Variants in PDE4C observed in about 807,000 individuals in gnomAD.
PDE4C encodes the protein phosphodiesterase 4C.
Under a neutral mutation model 63.9 loss-of-function variants are expected in PDE4C, and 50 were observed. The ratio of observed to expected loss-of-function variants is 0.78; its 90% CI spans 0.62 to 0.99. The LOEUF (loss-of-function observed/expected upper bound fraction) is 0.99, where lower values mean the gene tolerates loss of function less well. PDE4C is among the 50% of genes least tolerant of loss of function. The pLI is 0.00. For synonymous variants in PDE4C, 377 were observed against 385.1 expected (o/e 0.98, Z 0.25); for missense variants, 777 against 899.1 (o/e 0.86, Z 1.74).
intron 3 of PDE4C, 36 bp from the exon 4 acceptor site, chr19:18,221,214 G>A: frequency 6.4e-7 from 1 of 1,561,952 alleles, no homozygotes; most frequent in South Asian, 1.2e-5. Context: ...GGGAAGGAGA[G>A]GCCGGATCCG....
rs767535982 is a variant in PDE4C at position 18,216,721 on chromosome 19, G to T, written c.1389+20C>A. The T allele has an allele frequency of 1.6e-6, 2 of 1,251,860 alleles. No homozygotes were observed. The highest frequency in any genetic ancestry group is 2.2e-6 in the Non-Finnish European group (2 of 915,590). 77.5% of individuals were successfully genotyped at this position (1,251,860 alleles called of 1,614,324 possible). The stretch of plus-strand genomic sequence containing the variant: ...CGCTCCCCTCTGCCCCTCCCGCCCC[G>T]CTTACTGCCCTGGCCTCACCATGTC... On this transcript the variant is annotated intron_variant, in intron 12 of 14. Transcript: ENST00000262805.
At chr19:18,214,408 G>C (rs1968101210) in intron 12 of PDE4C, among the ~76,000 whole-genome samples, 1 of 152,108 alleles carries the variant, frequency 6.6e-6, no homozygotes, top group African/African-American at 2.4e-5. Context: ...GGGGCTGGAA[G>C]AGTTGGGTAC....
upstream of PDE4C, among the ~76,000 whole-genome samples, chr19:18,248,689 G>A (rs1334506584): frequency 6.6e-6 from 1 of 152,072 alleles, no homozygotes; most frequent in African/African-American, 2.4e-5. Context: ...CTCCAGGAAA[G>A]TTGCCCGCTG....
chr19:18,222,018 C>T, intron 2 of PDE4C, 114 bp downstream of exon 2: 3 of 890,256 alleles, frequency 3.4e-6, no homozygotes, highest in Non-Finnish European at 5.1e-6. Flanking sequence ...TGGCAAACTC[C>T]TACTTAAACT....
the PDE4C span, among the ~76,000 whole-genome samples, chr19:18,253,743 C>T: frequency 1.3e-5 from 2 of 152,300 alleles, no homozygotes; most frequent in South Asian, 2.1e-4. Context: ...GGAACCCACC[C>T]TTCTACGTGT....
chr19:18,234,907 C>G (rs924545954), upstream of PDE4C, among the ~76,000 whole-genome samples: 3 of 152,172 alleles, frequency 2.0e-5, no homozygotes, highest in African/African-American at 4.8e-5. Flanking sequence ...CTCCACCCCC[C>G]CACCACTCCC....
At position 18,241,245 on chromosome 19, in the gene PDE4C, TTCTTC is replaced by T. The variant is rs1238393178; in HGVS notation, c.-210+6921_-210+6925del. Among the ~76,000 whole-genome samples, 232 of 147,430 alleles carry T rather than the reference TTCTTC, an allele frequency of 1.6e-3. 1 individual carries two copies. The highest frequency in any genetic ancestry group is 3.4e-3 in the Middle Eastern group (1 of 290). ...CTTTTTTCTTTTCTTTCTTTCTTTT[TTCTTC>T]TCTTGTTTTTTTTTTTTTTTTTTTT... is the stretch of plus-strand genomic sequence containing the variant. On this transcript the variant is annotated intron_variant, in intron 1 of 15. Coordinates refer to the PDE4C transcript ENST00000594617.
At position 18,220,414 on chromosome 19, in the gene PDE4C, C is replaced by T; in HGVS notation, c.601G>A (p.Ala201Thr). ...CTGCCCCACCTCACCTTGTTGGAGG[C>T]CATCTCCCCCACCGAGTGCCGGGTC... The change falls in exon 6 of 15, where the codon GCC (alanine) becomes ACC (threonine). Residue 201 changes from alanine to threonine, a missense_variant. By Grantham distance (58) the Ala-to-Thr change is moderately conservative. Transcript: ENST00000262805. The surrounding 1 kb of genome is among the most constrained non-coding windows in gnomAD (Gnocchi z 5.1). The T allele has an allele frequency of 6.2e-7, 1 of 1,614,024 alleles. No homozygotes were observed. The highest frequency in any genetic ancestry group is 8.5e-7 in the Non-Finnish European group (1 of 1,179,904).
At chr19:18,212,111 C>T (rs549701901) in intron 13 of PDE4C, among the ~76,000 whole-genome samples, 170 bp from the exon 14 acceptor site, 2 of 152,162 alleles carry the variant, frequency 1.3e-5, no homozygotes, top group South Asian at 4.2e-4. Context: ...CTTGCCATTT[C>T]TTCAAGTTTG....
At chr19:18,210,311 T>A (rs2147996644), downstream of PDE4C, 1 of 152,412 alleles carries the variant, frequency 6.6e-6, no homozygotes, top group East Asian at 1.9e-4. Flanking sequence ...CATAAGCCAC[T>A]ATGCCTTGCC....
Position 18,222,425 on chromosome 19 carries a change from T to C in PDE4C, c.147-102A>G, listed in dbSNP as rs113270305. 152 of 1,059,862 alleles carry C rather than the reference T, an allele frequency of 1.4e-4. No homozygotes were observed. The African/African-American group carries it at 1.5e-3, about 10-fold the overall frequency. 65.7% of individuals were successfully genotyped at this position (1,059,862 alleles called of 1,614,324 possible). A position where few individuals can be genotyped will look rare whatever the true frequency, so the allele number is the denominator to read the frequency against. ...CGTCCTCCCTGGGGCTGCTTGGCAG[T>C]CAGGCAAGTGTGGTTTCCAGCTTGT... On this transcript the variant is annotated intron_variant, in intron 1 of 14. Coordinates refer to ENST00000262805, the Ensembl canonical transcript of PDE4C.
upstream of PDE4C, chr19:18,237,106 C>A (rs766347914): frequency 6.6e-6 from 1 of 152,582 alleles, no homozygotes; most frequent in African/African-American, 2.4e-5. Flanking sequence ...GGTCATGGGA[C>A]CTCTCTAGGA....
chr19:18,219,090 C>G, intron 8 of PDE4C, 52 bp from the exon 9 acceptor site: 1 of 1,580,372 alleles, frequency 6.3e-7, no homozygotes, highest in Non-Finnish European at 8.7e-7. Flanking sequence ...CTTCCCCAGA[C>G]TCTAGAGCCT....
Position 18,220,348 on chromosome 19 carries a change from A to AT in PDE4C, c.613-30dup. On this transcript the variant is annotated intron_variant, in intron 6 of 14. Transcript: ENST00000262805. This position sits in a 1 kb window ranked among gnomAD's most constrained non-coding sequence, Gnocchi z 5.1. Reference sequence around the variant, plus strand: ...GGGCGGAGAGAAGGTGAAGACCGTGATGATGGGGCACCGTGGGCCGAGGCA... The same window carrying AT: ...GGGCGGAGAGAAGGTGAAGACCGTGATTGATGGGGCACCGTGGGCCGAGGCA... 1 of 1,613,236 alleles carries AT rather than the reference A, an allele frequency of 6.2e-7. No homozygotes were observed. Among genetic ancestry groups the AT allele is most frequent in the Non-Finnish European group, 8.5e-7 (1 of 1,179,214 alleles).
rs754624628 is a variant in PDE4C at position 18,210,887 on chromosome 19, G to C, written c.*42C>G. On this transcript the variant is annotated 3_prime_UTR_variant, in exon 15 of 15. Coordinates refer to ENST00000262805, the Ensembl canonical transcript of PDE4C. Reference sequence around the variant, plus strand: ...AAGTCTGCCTGCCAAGAGCCAAAGGGCTTTACCATCCATTGCCCCTGCAGT... The same window carrying C: ...AAGTCTGCCTGCCAAGAGCCAAAGGCCTTTACCATCCATTGCCCCTGCAGT... 2.0e-6 allele frequency: 3 copies of C among 1,538,180 alleles called. No homozygotes were observed. In the South Asian group the frequency reaches 3.9e-5, roughly 20 times the overall value.
chr19:18,214,808 G>A (rs959371964), intron 12 of PDE4C, among the ~76,000 whole-genome samples: 2 of 151,890 alleles, frequency 1.3e-5, no homozygotes, highest in Admixed American at 1.3e-4. Context: ...AAATTAGCCG[G>A]GTGTGGTGGC....
At chr19:18,239,242 T>C (rs976128176) in intron 1 of PDE4C, among the ~76,000 whole-genome samples, 1 of 152,230 alleles carries the variant, frequency 6.6e-6, no homozygotes, top group Non-Finnish European at 1.5e-5. Flanking sequence ...AAAGCAATTC[T>C]GAGCTTCAGT....
chr19:18,219,033 T>C (rs763698759), exon 9 of PDE4C: 8 of 1,612,560 alleles, frequency 5.0e-6, no homozygotes, highest in Non-Finnish European at 6.8e-6. Context: ...TGGTGTCTTC[T>C]AGCTCCTAAG....
intron 1 of PDE4C, chr19:18,248,114 GC>G (rs906987673): frequency 2.2e-6 from 1 of 454,174 alleles, no homozygotes; most frequent in African/African-American, 2.0e-5. Context: ...CTCCTGAGAC[GC>G]CCCCAAGCTC....
Sources: gnomAD v4.1 joint callset for allele counts (sites outside exome capture counted in the v4.1 genomes callset) on GRCh38, gnomAD v4.1.1 for gene constraint, Gnocchi (gnomAD v3.1) non-coding constraint, MANE v1.5 for transcripts, NCBI Gene and HGNC (gene_info 2026-07-23, HGNC 2026-07-21) for gene names.